PCDHGA2: variants seen among roughly 807,000 people sequenced by gnomAD.
The protein encoded by PCDHGA2 is protocadherin gamma subfamily A, 2, also known as protocadherin gamma-A2.
PCDHGA2 carries 40 observed loss-of-function variants against 59.2 expected under a neutral mutation model. The observed-to-expected ratio is 0.68, with a 90% confidence interval of 0.52 to 0.88. The LOEUF (loss-of-function observed/expected upper bound fraction) is 0.88. Ranked by LOEUF, PCDHGA2 falls within the 40% of genes least tolerant of loss-of-function variation. The probability of loss-of-function intolerance (pLI) is 0.00; values close to 1 mark genes in which losing one functional copy is unlikely to be tolerated. For synonymous variants in PCDHGA2, 560 were observed against 526.0 expected (o/e 1.06, Z -0.89); for missense variants, 1,226 against 1,204.0 (o/e 1.02, Z -0.27).
intron 1 of PCDHGA2, chr5:141,390,863 T>C (rs1292623547): frequency 6.6e-6 from 1 of 150,928 alleles, no homozygotes. Flanking sequence ...GTACGCTGTG[T>C]GTGCGTGTGT....
chr5:141,372,541 G>T, intron 1 of PCDHGA2: 16 of 1,613,980 alleles, frequency 9.9e-6, no homozygotes, highest in Non-Finnish European at 1.3e-5. Flanking sequence ...CTGCGCCTGC[G>T]ATGCTCCTCC....
chr5:141,372,757 T>G, intron 1 of PCDHGA2: 1 of 1,613,122 alleles, frequency 6.2e-7, no homozygotes, highest in Non-Finnish European at 8.5e-7. Context: ...GCCTCTTGGT[T>G]TGAAAGTAAT....
At chr5:141,459,303 T>C (rs1419156629) in intron 1 of PCDHGA2, among the ~76,000 whole-genome samples, 1 of 152,242 alleles carries the variant, frequency 6.6e-6, no homozygotes, top group Non-Finnish European at 1.5e-5. Context: ...CTATAACATA[T>C]ACTATTTTGT....
intron 1 of PCDHGA2, among the ~76,000 whole-genome samples, chr5:141,479,992 G>A (rs1336315766): frequency 6.6e-6 from 1 of 152,204 alleles, no homozygotes; most frequent in Non-Finnish European, 1.5e-5. Context: ...CCAACTAGGA[G>A]TCTGTGGCCA....
At position 141,415,039 on chromosome 5, in the gene PCDHGA2, G is replaced by T. The variant is rs761101620; in HGVS notation, c.2424+73644G>T. ...CAAGGCCAGCGAGCCGGGACTCTTC[G>T]CGGTGGGGGAGCACACGGGCGAGGT... On this transcript the variant is annotated intron_variant, in intron 1 of 3. Transcript: ENST00000394576. The T allele has an allele frequency of 3.1e-6, 5 of 1,613,342 alleles. No homozygotes were observed. The highest frequency in any genetic ancestry group is 3.4e-6 in the Non-Finnish European group (4 of 1,179,934).
intron 1 of PCDHGA2, chr5:141,372,199 C>T: frequency 9.3e-6 from 15 of 1,613,572 alleles, no homozygotes; most frequent in Non-Finnish European, 1.3e-5. Flanking sequence ...GGATACAACG[C>T]CTGGCTGTCC....
chr5:141,486,671 C>T lies in PCDHGA2; in HGVS notation c.2425-8136C>T, dbSNP rs1307620045. The T allele has an allele frequency of 1.9e-6, 3 of 1,613,926 alleles. No homozygotes were observed. Among genetic ancestry groups the T allele is most frequent in the South Asian group, 1.1e-5 (1 of 91,078 alleles). On this transcript the variant is annotated intron_variant, in intron 1 of 3. Coordinates refer to ENST00000394576, the MANE Select transcript of PCDHGA2 (RefSeq NM_018915.4). This position sits in a 1 kb window ranked among gnomAD's most constrained non-coding sequence, Gnocchi z 5.0. Reference sequence around the variant, plus strand: ...CTACTCACTCCTGGAGCCCAGGAATCGAGATGTATCAGCTTCCTCTTTCAT... The same window carrying T: ...CTACTCACTCCTGGAGCCCAGGAATTGAGATGTATCAGCTTCCTCTTTCAT...
intron 1 of PCDHGA2, among the ~76,000 whole-genome samples, chr5:141,494,392 A>C (rs1296077484): frequency 1.3e-5 from 2 of 152,258 alleles, no homozygotes; most frequent in East Asian, 3.9e-4. Flanking sequence ...GAGTTGAATA[A>C]ATTCATTCTA....
intron 1 of PCDHGA2, chr5:141,399,391 G>C: frequency 2.5e-6 from 4 of 1,613,964 alleles, no homozygotes; most frequent in Non-Finnish European, 3.4e-6. Flanking sequence ...CACAGCCACA[G>C]ACAGGGGCAA....
rs770199497 is a variant in PCDHGA2, at chr5:141,339,687, C to T, written c.716C>T (p.Ala239Val). 5.6e-6 allele frequency: 9 copies of T among 1,614,194 alleles called. No individual in the cohort carries two copies. In the East Asian group the frequency reaches 1.8e-4, roughly 32 times the overall value. ...AAGGTCCTGGATGCGAACGACAATG[C>T]GCCTGTTTTTACACAGCCCGAGTAC... is the stretch of plus-strand genomic sequence containing the variant. ...CVKVLDANDN[A>V]PVFTQPEYRI... The change falls in exon 1 of 4, where the codon GCG (alanine) becomes GTG (valine). Residue 239 changes from alanine to valine, a missense_variant. Ala to Val is a moderately conservative substitution (Grantham distance 64, BLOSUM62 0). Coordinates refer to ENST00000394576, the MANE Select transcript of PCDHGA2 (RefSeq NM_018915.4).
intron 1 of PCDHGA2, chr5:141,366,371 C>G (rs780787385): frequency 6.2e-7 from 1 of 1,613,992 alleles, no homozygotes; most frequent in Non-Finnish European, 8.5e-7. Context: ...TATCAAGACC[C>G]CCATTGACCC....
intron 1 of PCDHGA2, chr5:141,371,702 GACC>G (rs768822916): frequency 1.1e-5 from 18 of 1,613,922 alleles, no homozygotes; most frequent in Non-Finnish European, 1.7e-6. Context: ...CCTCCAGCAA[GACC>G]ATCACTCTGC....
chr5:141,491,598 C>T lies in PCDHGA2; in HGVS notation c.2425-3209C>T, dbSNP rs1410472886. On this transcript the variant is annotated intron_variant, in intron 1 of 3. Transcript: ENST00000394576. This position sits in a 1 kb window ranked among gnomAD's most constrained non-coding sequence, Gnocchi z 6.9. ...TTTCACCGGCCTCGGACGGCAGTGA[C>T]TTCACTTTTCTAAGACCCCTCAGCG... 1.4e-5 allele frequency: 22 copies of T among 1,613,872 alleles called. No homozygotes were observed. The highest frequency in any genetic ancestry group is 1.8e-5 in the Non-Finnish European group (21 of 1,180,048).
chr5:141,357,081 C>T (rs1760456922), intron 1 of PCDHGA2: 3 of 1,613,922 alleles, frequency 1.9e-6, no homozygotes, highest in Non-Finnish European at 2.5e-6. Context: ...GCGAGGTGCG[C>T]ACCGCACGGG....
At chr5:141,351,036 T>C in intron 1 of PCDHGA2, 1 of 1,614,004 alleles carries the variant, frequency 6.2e-7, no homozygotes, top group Non-Finnish European at 8.5e-7. Flanking sequence ...ACCTCCGTGC[T>C]GCGGGTGATG....
At position 141,364,381 on chromosome 5, in the gene PCDHGA2, C is replaced by A. The variant is rs1763293238; in HGVS notation, c.2424+22986C>A. On this transcript the variant is annotated intron_variant, in intron 1 of 3. Coordinates refer to ENST00000394576, the MANE Select transcript of PCDHGA2 (RefSeq NM_018915.4). ...GCTGCGGAGAGCTGCTGCTGCCCTTCATGCTCCTGGGGACGCTGTGCGAGC... is the reference window on the plus strand; with the variant it reads ...GCTGCGGAGAGCTGCTGCTGCCCTTAATGCTCCTGGGGACGCTGTGCGAGC... The A allele has an allele frequency of 1.9e-6, 3 of 1,581,268 alleles. No homozygotes were observed. In the South Asian group the frequency reaches 3.5e-5, roughly 18 times the overall value.
chr5:141,351,750 T>A, intron 1 of PCDHGA2: 1 of 1,613,678 alleles, frequency 6.2e-7, no homozygotes, highest in South Asian at 1.1e-5. Flanking sequence ...CCGCGGGAGC[T>A]GTTGTCCTAC....
chr5:141,364,173 G>C, intron 1 of PCDHGA2: 1 of 806,624 alleles, frequency 1.2e-6, no homozygotes. Flanking sequence ...ACCCGACTCT[G>C]CTCCCTCCAT....
chr5:141,408,201 C>T (rs1036342508), intron 1 of PCDHGA2: 4 of 1,548,914 alleles, frequency 2.6e-6, no homozygotes, highest in South Asian at 2.4e-5. Flanking sequence ...CCCGAGCGAA[C>T]GATGGGAGGG....
Sources: gnomAD v4.1 joint callset for allele counts (sites outside exome capture counted in the v4.1 genomes callset) on GRCh38, gnomAD v4.1.1 for gene constraint, Gnocchi (gnomAD v3.1) non-coding constraint, MANE v1.5 for transcripts, NCBI Gene and HGNC (gene_info 2026-07-23, HGNC 2026-07-21) for gene names.